The following ITPK1 variants were observed in gnomAD, a reference collection of about 807,000 sequenced individuals.
ITPK1 encodes the protein inositol 1,3,4-trisphosphate 5/6-kinase.
Under a neutral mutation model 45.3 loss-of-function variants are expected in ITPK1, and 21 were observed. The ratio of observed to expected loss-of-function variants is 0.46; its 90% CI spans 0.33 to 0.67. The LOEUF (loss-of-function observed/expected upper bound fraction) is 0.67. ITPK1 is among the 30% of genes least tolerant of loss of function. ITPK1 has a pLI of 0.02. For missense variants in ITPK1, 474 were observed against 573.5 expected, an observed-to-expected ratio of 0.83 and a Z score of 1.77; for synonymous variants, 258 against 253.6, an observed-to-expected ratio of 1.02 and a Z score of -0.16.
chr14:93,028,323 C>CTG (rs1355200925), intron 3 of ITPK1, among the ~76,000 whole-genome samples: 2 of 152,228 alleles, frequency 1.3e-5, no homozygotes, highest in African/African-American at 4.8e-5. Context: ...CTCCACTGGA[C>CTG]TGTGACATGA....
intron 2 of ITPK1, among the ~76,000 whole-genome samples, chr14:93,085,019 G>C (rs1891592161): frequency 6.6e-6 from 1 of 152,200 alleles, no homozygotes; most frequent in African/African-American, 2.4e-5. Context: ...CCCTGGGCCT[G>C]GCAGGCTCTC....
Position 92,951,994 on chromosome 14 carries a change from G to A in ITPK1, c.690C>T (p.Phe230=). 6.4e-7 allele frequency: 1 copy of A among 1,574,150 alleles called. No homozygotes were observed. Among genetic ancestry groups the A allele is most frequent in the Non-Finnish European group, 8.6e-7 (1 of 1,159,386 alleles). The change falls in exon 9 of 11, where the codon TTC becomes TTT. Residue 230 remains phenylalanine, a synonymous_variant. Transcript: ENST00000267615. ...CCGGCTTTGACACGTTGTGGCTGTT[G>A]AAGAAGATGGACTCACGGTCTGAAA... The part of the protein sequence containing the change: ...AGTSDRESIF[F]NSHNVSKPES...
chr14:93,080,843 TCTC>T (rs1168115084), intron 2 of ITPK1, among the ~76,000 whole-genome samples: 2 of 151,950 alleles, frequency 1.3e-5, no homozygotes, highest in Non-Finnish European at 2.9e-5. Context: ...TTCAAGCAAT[TCTC>T]CTGCTTCGGC....
At chr14:93,009,526 G>A (rs1314677496) in intron 4 of ITPK1, among the ~76,000 whole-genome samples, 2 of 152,202 alleles carry the variant, frequency 1.3e-5, no homozygotes, top group East Asian at 3.9e-4. Context: ...CGGGCTAACG[G>A]CACAGAATGG....
chr14:93,040,748 C>A (rs1377998654), intron 3 of ITPK1, among the ~76,000 whole-genome samples: 1 of 152,114 alleles, frequency 6.6e-6, no homozygotes, highest in Non-Finnish European at 1.5e-5. Context: ...TGGGTCACTG[C>A]CATTCTCTTT....
At chr14:93,052,069 A>C (rs1408506444) in intron 3 of ITPK1, among the ~76,000 whole-genome samples, 2 of 152,258 alleles carry the variant, frequency 1.3e-5, no homozygotes, top group African/African-American at 4.8e-5. Context: ...AAGGGGAATA[A>C]GACAGCAGAA....
At chr14:93,094,509 C>G (rs1342842865) in intron 2 of ITPK1, among the ~76,000 whole-genome samples, 1 of 152,166 alleles carries the variant, frequency 6.6e-6, no homozygotes, top group Non-Finnish European at 1.5e-5. Flanking sequence ...ATCATTTTAT[C>G]AGTGCATGCC....
Position 92,996,209 on chromosome 14 carries a change from T to C in ITPK1, c.247-2212A>G, listed in dbSNP as rs556213493. ...CTGCAGCAATGCACAATGGTGCCACTGCACTCCAGCCTTGGCAATAGAGTA... is the reference window on the plus strand; with the variant it reads ...CTGCAGCAATGCACAATGGTGCCACCGCACTCCAGCCTTGGCAATAGAGTA... On this transcript the variant is annotated intron_variant, in intron 4 of 10. Transcript: ENST00000267615. Among the ~76,000 whole-genome samples, 115 of 152,150 alleles carry C rather than the reference T, an allele frequency of 7.6e-4. 1 individual carries two copies. Among genetic ancestry groups the C allele is most frequent in the Non-Finnish European group, 1.5e-4 (10 of 68,034 alleles).
intron 4 of ITPK1, among the ~76,000 whole-genome samples, chr14:92,996,442 G>A (rs1887062225): frequency 1.4e-5 from 2 of 138,848 alleles, no homozygotes; most frequent in Admixed American, 7.1e-5. Flanking sequence ...GCGGGGTGGG[G>A]GGAGGGGGAG....
rs1440243771 is a variant in ITPK1 at position 92,938,445 on chromosome 14, T to C, written c.*3116A>G. ...TGGCTGTCTGGCAGGCAACAGCTGC[T>C]TTGCTCAGTTGGCTCAAACATGTGA... On this transcript the variant is annotated 3_prime_UTR_variant, in exon 11 of 11. Transcript: ENST00000267615. The C allele has an allele frequency of 3.2e-6, 5 of 1,573,358 alleles. No individual in the cohort carries two copies. The highest frequency in any genetic ancestry group is 4.4e-6 in the Non-Finnish European group (5 of 1,142,908).
intron 9 of ITPK1, among the ~76,000 whole-genome samples, chr14:92,951,607 G>A (rs868375797): frequency 6.6e-6 from 1 of 152,188 alleles, no homozygotes; most frequent in Non-Finnish European, 1.5e-5. Flanking sequence ...GAACAAGGCA[G>A]ATTAGAGAGC....
intron 2 of ITPK1, among the ~76,000 whole-genome samples, chr14:93,085,392 C>T (rs1226419955): frequency 3.3e-5 from 5 of 152,172 alleles, no homozygotes; most frequent in East Asian, 3.9e-4. Context: ...GGAGGCAGGC[C>T]GGCCCCAAAG....
At chr14:92,996,017 C>G (rs373976126) in intron 4 of ITPK1, among the ~76,000 whole-genome samples, 2 of 152,312 alleles carry the variant, frequency 1.3e-5, no homozygotes, top group Non-Finnish European at 2.9e-5. Flanking sequence ...GTCCATGCTT[C>G]CAAGAGAGCA....
chr14:92,939,671 C>T lies in ITPK1; in HGVS notation c.*1890G>A, dbSNP rs1046296590. On this transcript the variant is annotated 3_prime_UTR_variant, in exon 11 of 11. Coordinates refer to ENST00000267615, the MANE Select transcript of ITPK1 (RefSeq NM_014216.6). ...TTACTCGGTATCTGGGCCCTGGACGCGCAAGACCCCGGAGGCCACAAACGG... is the reference window on the plus strand; with the variant it reads ...TTACTCGGTATCTGGGCCCTGGACGTGCAAGACCCCGGAGGCCACAAACGG... 4 of 985,146 alleles carry T rather than the reference C, an allele frequency of 4.1e-6. No homozygotes were observed. Among genetic ancestry groups the T allele is most frequent in the South Asian group, 4.7e-5 (1 of 21,272 alleles). The allele number at this position is 985,146 out of a possible 1,614,324, so 61.0% of individuals were successfully genotyped here.
intron 2 of ITPK1, among the ~76,000 whole-genome samples, chr14:93,099,259 CCCAG>C (rs1892213975): frequency 6.6e-6 from 1 of 152,160 alleles, no homozygotes; most frequent in Non-Finnish European, 1.5e-5. Flanking sequence ...TCCGACAACC[CCCAG>C]CCACTAGTTC....
chr14:93,019,557 C>T (rs911540412), intron 3 of ITPK1, among the ~76,000 whole-genome samples: 2 of 152,228 alleles, frequency 1.3e-5, no homozygotes, highest in African/African-American at 2.4e-5. Context: ...CTCTCGGGTG[C>T]GGCCGCCTCT....
At chr14:92,965,955 A>G (rs958333110) in intron 5 of ITPK1, among the ~76,000 whole-genome samples, 8 of 152,234 alleles carry the variant, frequency 5.3e-5, no homozygotes, top group African/African-American at 1.7e-4. Context: ...GTGAGCCAAG[A>G]TCGCGCCATT....
rs1197561295 is a variant in ITPK1 at position 93,012,869 on chromosome 14, A to G, written c.246+3807T>C. ...CCCCCGAGGCAGCCCCACATGGCCC[A>G]TGGATCACAATCACAGCACCCCTTC... On this transcript the variant is annotated intron_variant, in intron 4 of 10. Coordinates refer to ENST00000267615, the MANE Select transcript of ITPK1 (RefSeq NM_014216.6). The surrounding 1 kb of genome is among the most constrained non-coding windows in gnomAD (Gnocchi z 4.9). Among the ~76,000 whole-genome samples, 2 of 152,216 alleles carry G rather than the reference A, an allele frequency of 1.3e-5. No individual in the cohort carries two copies. The highest frequency in any genetic ancestry group is 1.9e-4 in the East Asian group (1 of 5,190).
At chr14:93,029,725 CTT>C (rs1212824790) in intron 3 of ITPK1, among the ~76,000 whole-genome samples, 1 of 152,216 alleles carries the variant, frequency 6.6e-6, no homozygotes, top group Non-Finnish European at 1.5e-5. Flanking sequence ...GGGCATGACT[CTT>C]GTCCTCCCAA....
Sources: allele counts gnomAD v4.1 joint callset (sites outside exome capture counted in the v4.1 genomes callset), GRCh38; gene constraint gnomAD v4.1.1; non-coding constraint Gnocchi (gnomAD v3.1); transcripts MANE v1.5; gene names NCBI Gene and HGNC (gene_info 2026-07-23, HGNC 2026-07-21).